The following ESR2 variants were observed in gnomAD, a reference collection of about 807,000 sequenced individuals.
ESR2 encodes estrogen receptor 2.
Under a neutral mutation model 49.6 loss-of-function variants are expected in ESR2, and 36 were observed. The observed-to-expected ratio is 0.73, with a 90% confidence interval of 0.56 to 0.96. The LOEUF is 0.96. ESR2 is among the 40% of genes least tolerant of loss of function. The pLI, the probability that ESR2 is intolerant of heterozygous loss-of-function variation, is 0.00. For synonymous variants in ESR2, 320 were observed against 266.1 expected (o/e 1.20, Z -1.97); for missense variants, 714 against 693.0 (o/e 1.03, Z -0.34).
chr14:64,317,154 T>C (rs1353875748), intron 1 of ESR2, among the ~76,000 whole-genome samples: 2 of 152,130 alleles, frequency 1.3e-5, no homozygotes, highest in Non-Finnish European at 2.9e-5. Flanking sequence ...TAGTTCCAGC[T>C]ACTCAGGAGG....
chr14:64,329,284 C>A (rs923443240), intron 1 of ESR2: 1 of 152,172 alleles, frequency 6.6e-6, no homozygotes, highest in African/African-American at 2.4e-5. Flanking sequence ...GGGCACCACA[C>A]CATTCATAAG....
chr14:64,286,827 C>T (rs900244958), intron 1 of ESR2, among the ~76,000 whole-genome samples: 2 of 152,036 alleles, frequency 1.3e-5, no homozygotes, highest in African/African-American at 4.8e-5. Flanking sequence ...GGCGATTCCC[C>T]TGCCTCAGCC....
rs747372616 is a variant in ESR2 at position 64,260,500 on chromosome 14, A to C, written c.901T>G (p.Leu301Val). The change falls in exon 5 of 9, where the codon TTG becomes GTG. Residue 301 changes from leucine to valine, a missense_variant. By Grantham distance (32) the Leu-to-Val change is conservative. Transcript: ENST00000341099. ...ATGTGTACCAACTCCTTGTCGGCCA[A>C]CTTGGTCAGGGACATCATCATGGAG... is the stretch of plus-strand genomic sequence containing the variant. ...EASMMMSLTK[L>V]ADKELVHMIS... is the part of the protein sequence containing the mutation. 8.5e-6 allele frequency: 13 copies of C among 1,536,208 alleles called. No homozygotes were observed. The highest frequency in any genetic ancestry group is 1.4e-5 in the African/African-American group (1 of 72,398).
At chr14:64,331,943 C>G (rs149993131) in intron 1 of ESR2, among the ~76,000 whole-genome samples, 39 of 152,038 alleles carry the variant, frequency 2.6e-4, no homozygotes, top group African/African-American at 9.2e-4. Flanking sequence ...GTGTGTCACT[C>G]AGCCACCATT....
At chr14:64,303,863 A>G (rs556816827) in intron 1 of ESR2, among the ~76,000 whole-genome samples, 1 of 152,374 alleles carries the variant, frequency 6.6e-6, no homozygotes, top group African/African-American at 2.4e-5. Flanking sequence ...AAGTCACTAT[A>G]TACTGAGAAA....
At position 64,241,228 on chromosome 14, in the gene ESR2, A is replaced by G. The variant is rs368180134; in HGVS notation, c.1226-6078T>C. On this transcript the variant is annotated intron_variant, in intron 7 of 8. Coordinates refer to ENST00000341099, the MANE Select transcript of ESR2 (RefSeq NM_001437.3). ...GTTAGGTGTGTTAAGTATATTTTTG[A>G]CTAGCAATATTTTCAACTTAAGATG... Among the ~76,000 whole-genome samples the G allele has an allele frequency of 9.6e-4, 145 of 151,754 alleles. 4 individuals carry two copies. In the South Asian group the frequency reaches 0.029, roughly 31 times the overall value.
intron 1 of ESR2, among the ~76,000 whole-genome samples, chr14:64,287,101 A>G (rs1427316195): frequency 1.3e-5 from 2 of 152,034 alleles, no homozygotes; most frequent in Non-Finnish European, 2.9e-5. Flanking sequence ...TTCTAAGTAT[A>G]AAGTTCAGTA....
At chr14:64,261,727 C>T (rs1299464318) in intron 4 of ESR2, among the ~76,000 whole-genome samples, 1 of 151,964 alleles carries the variant, frequency 6.6e-6, no homozygotes, top group African/African-American at 2.4e-5. Context: ...CCTTTATACA[C>T]AAAATTAGAT....
chr14:64,230,855 A>C lies in ESR2; in HGVS notation c.*2282T>G, dbSNP rs2098726494. ...TCTCTGTCTTAAGATCTACTCTCAAAAAAAAAAAATTATATATATATATAT... is the reference window on the plus strand; with the variant it reads ...TCTCTGTCTTAAGATCTACTCTCAACAAAAAAAAATTATATATATATATAT... On this transcript the variant is annotated 3_prime_UTR_variant, in exon 9 of 9. Coordinates refer to ENST00000341099, the MANE Select transcript of ESR2 (RefSeq NM_001437.3). 1 of 110,292 alleles carries C rather than the reference A, an allele frequency of 9.1e-6. No individual in the cohort carries two copies. The highest frequency in any genetic ancestry group is 4.1e-5 in the African/African-American group (1 of 24,278). The allele number at this position is 110,292 out of a possible 1,614,324, so 6.8% of individuals were successfully genotyped here.
rs1057012599 is a variant in ESR2 at position 64,229,020 on chromosome 14, A to G, written c.*4117T>C. Among the ~76,000 whole-genome samples, 1 of 152,208 alleles carries G rather than the reference A, an allele frequency of 6.6e-6. No individual in the cohort carries two copies. Among genetic ancestry groups the G allele is most frequent in the African/African-American group, 2.4e-5 (1 of 41,446 alleles). On this transcript the variant is annotated 3_prime_UTR_variant, in exon 9 of 9. Coordinates refer to ENST00000341099, the MANE Select transcript of ESR2 (RefSeq NM_001437.3). ...AAAGATGTGAATTTTACATGAGTACACTTCCAAGGAACATATTCCACGTGT... is the reference window on the plus strand; with the variant it reads ...AAAGATGTGAATTTTACATGAGTACGCTTCCAAGGAACATATTCCACGTGT...
chr14:64,254,875 A>C (rs1777504349), intron 6 of ESR2, among the ~76,000 whole-genome samples: 1 of 151,948 alleles, frequency 6.6e-6, no homozygotes, highest in Admixed American at 6.6e-5. Flanking sequence ...TACAATTCCC[A>C]AGAATTCCTC....
Position 64,230,306 on chromosome 14 carries a change from C to G in ESR2, c.*2831G>C, listed in dbSNP as rs1044164567. ...TGAATTTGAAAAGTCCCTTAGCAGA[C>G]GTAAATAAGAACTAAACCCTGCTTT... On this transcript the variant is annotated 3_prime_UTR_variant, in exon 9 of 9. Transcript: ENST00000341099. Among the ~76,000 whole-genome samples the G allele has an allele frequency of 2.6e-5, 4 of 151,984 alleles. No homozygotes were observed. Among genetic ancestry groups the G allele is most frequent in the African/African-American group, 9.7e-5 (4 of 41,346 alleles).
intron 3 of ESR2, among the ~76,000 whole-genome samples, chr14:64,276,605 T>C (rs1326487887): frequency 6.6e-6 from 1 of 152,164 alleles, no homozygotes; most frequent in African/African-American, 2.4e-5. Context: ...CACAGATTTG[T>C]TCTAAAAACA....
At chr14:64,237,211 C>G (rs774242142) in intron 7 of ESR2, among the ~76,000 whole-genome samples, 5 of 152,206 alleles carry the variant, frequency 3.3e-5, no homozygotes, top group African/African-American at 9.7e-5. Flanking sequence ...CCGCCTGCCT[C>G]AGCCTCCCAA....
intron 2 of ESR2, 80 bp from the exon 3 acceptor site, chr14:64,280,233 A>G: frequency 2.0e-6 from 2 of 987,344 alleles, no homozygotes; most frequent in Non-Finnish European, 3.1e-6. Flanking sequence ...AATAGCATGA[A>G]CATTGCCTAA....
chr14:64,246,336 A>T (rs534012561), intron 7 of ESR2, among the ~76,000 whole-genome samples: 2 of 152,124 alleles, frequency 1.3e-5, no homozygotes, highest in African/African-American at 4.8e-5. Flanking sequence ...CCAAGATGTG[A>T]TGGTTATATA....
At chr14:64,248,050 C>T (rs575119388) in intron 7 of ESR2, among the ~76,000 whole-genome samples, 28 of 152,156 alleles carry the variant, frequency 1.8e-4, no homozygotes, top group African/African-American at 6.5e-4. Context: ...AAAAATTATT[C>T]GGGTGTGGTG....
At chr14:64,257,406 C>G in intron 5 of ESR2, 42 bp from the exon 6 acceptor site, 2 of 1,609,894 alleles carry the variant, frequency 1.2e-6, no homozygotes, top group East Asian at 2.2e-5. Context: ...CACCCCTCCT[C>G]CTCAGCTCCC....
Position 64,228,944 on chromosome 14 carries a change from G to A in ESR2, c.*4193C>T, listed in dbSNP as rs375098914. ...GAGAGCTATAAAGAATAAGTGGCACGTGTTTTCACACTGTAGTATATCACA... is the reference window on the plus strand; with the variant it reads ...GAGAGCTATAAAGAATAAGTGGCACATGTTTTCACACTGTAGTATATCACA... On this transcript the variant is annotated 3_prime_UTR_variant, in exon 9 of 9. Coordinates refer to ENST00000341099, the MANE Select transcript of ESR2 (RefSeq NM_001437.3). Among the ~76,000 whole-genome samples, 1 of 152,136 alleles carries A rather than the reference G, an allele frequency of 6.6e-6. No individual in the cohort carries two copies. The highest frequency in any genetic ancestry group is 1.5e-5 in the Non-Finnish European group (1 of 68,010).
Sources: gnomAD v4.1 joint callset for allele counts (sites outside exome capture counted in the v4.1 genomes callset) on GRCh38, gnomAD v4.1.1 for gene constraint, MANE v1.5 for transcripts, NCBI Gene and HGNC (gene_info 2026-07-23, HGNC 2026-07-21) for gene names.